Variants in ZDHHC2 observed in about 807,000 individuals in gnomAD.
The protein encoded by ZDHHC2 is palmitoyltransferase ZDHHC2.
ZDHHC2 carries 51 observed loss-of-function variants against 55.6 expected under a neutral mutation model. That is an observed-to-expected ratio of 0.92 (90% CI 0.73 to 1.16). The LOEUF is 1.16. Ranked by LOEUF, ZDHHC2 falls within the 50% of genes most tolerant of loss-of-function variation. ZDHHC2 has a pLI of 0.00. For synonymous variants in ZDHHC2, 199 were observed against 152.9 expected (o/e 1.30, Z -2.22); for missense variants, 491 against 442.4 (o/e 1.11, Z -0.99).
chr8:17,194,157 C>T (rs1338423631), intron 3 of ZDHHC2, among the ~76,000 whole-genome samples: 1 of 152,110 alleles, frequency 6.6e-6, no homozygotes, highest in Non-Finnish European at 1.5e-5. Context: ...GTTCTTTATC[C>T]AGTCTATCAT....
At chr8:17,174,764 G>T (rs1229363969) in intron 1 of ZDHHC2, among the ~76,000 whole-genome samples, 1 of 136,498 alleles carries the variant, frequency 7.3e-6, no homozygotes, top group Non-Finnish European at 1.5e-5. Context: ...AGGCTGGAGT[G>T]CAGTGGCACT....
intron 3 of ZDHHC2, 103 bp from the exon 4 acceptor site, chr8:17,195,401 A>G (rs1326921308): frequency 3.1e-6 from 4 of 1,308,424 alleles, no homozygotes; most frequent in Non-Finnish European, 4.2e-6. Flanking sequence ...TGTACAATAT[A>G]CCATTAATAT....
intron 6 of ZDHHC2, among the ~76,000 whole-genome samples, chr8:17,199,976 C>T (rs1413248004): frequency 6.6e-6 from 1 of 151,986 alleles, no homozygotes; most frequent in Non-Finnish European, 1.5e-5. Flanking sequence ...AGGCTGGTCT[C>T]GAACTCTTGA....
chr8:17,162,710 C>G (rs1804408785), intron 1 of ZDHHC2: 2 of 152,156 alleles, frequency 1.3e-5, no homozygotes, highest in Admixed American at 1.3e-4. Context: ...CCAAAGCTTT[C>G]TAGCTGGCTT....
intron 11 of ZDHHC2, among the ~76,000 whole-genome samples, chr8:17,216,637 T>G (rs896641116): frequency 3.9e-5 from 6 of 152,208 alleles, no homozygotes; most frequent in Non-Finnish European, 5.9e-5. Flanking sequence ...GGGATTCACA[T>G]TTCATCTTAC....
intron 6 of ZDHHC2, among the ~76,000 whole-genome samples, chr8:17,199,057 GC>G (rs1806474588): frequency 1.3e-5 from 2 of 152,114 alleles, no homozygotes; most frequent in Non-Finnish European, 1.5e-5. Context: ...CAGGTTGCTG[GC>G]CAGGTTGGAT....
chr8:17,199,526 C>CTGTCTTCGTCTTCT (rs777872313), intron 6 of ZDHHC2, among the ~76,000 whole-genome samples: 5 of 35,292 alleles, frequency 1.4e-4, no homozygotes, highest in South Asian at 2.6e-3. Flanking sequence ...TCTTCGTCTT[C>CTGTCTTCGTCTTCT]GTCTTCTGTC....
chr8:17,212,795 C>T (rs1307966168), intron 10 of ZDHHC2, among the ~76,000 whole-genome samples: 2 of 151,978 alleles, frequency 1.3e-5, no homozygotes, highest in Non-Finnish European at 2.9e-5. Context: ...CCCAGACAGT[C>T]ATTCTTTTTT....
chr8:17,219,252 TAAAAAAAAA>T (rs71212684), intron 12 of ZDHHC2, among the ~76,000 whole-genome samples: 3 of 49,550 alleles, frequency 6.1e-5, no homozygotes, highest in African/African-American at 1.7e-4. Flanking sequence ...AGCAAGACTC[TAAAAAAAAA>T]AAAAAAAAAA....
intron 6 of ZDHHC2, among the ~76,000 whole-genome samples, chr8:17,204,219 A>T (rs1453546669): frequency 6.6e-6 from 1 of 152,224 alleles, no homozygotes; most frequent in Non-Finnish European, 1.5e-5. Context: ...GATGATGTAA[A>T]CATTTTTTTC....
At chr8:17,180,725 TA>T (rs1805390914) in intron 1 of ZDHHC2, among the ~76,000 whole-genome samples, 1 of 152,242 alleles carries the variant, frequency 6.6e-6, no homozygotes, top group Admixed American at 6.5e-5. Flanking sequence ...ATAGCTTATG[TA>T]AGCCAGCAAG....
chr8:17,210,862 TTAGAG>T (rs1192513102), intron 10 of ZDHHC2, among the ~76,000 whole-genome samples: 2 of 152,130 alleles, frequency 1.3e-5, no homozygotes, highest in African/African-American at 2.4e-5. Flanking sequence ...GTGATAACTG[TTAGAG>T]TAAAGAAACT....
rs1176505658 is a variant in ZDHHC2 at position 17,222,412 on chromosome 8, T to C, written c.*2191T>C. The C allele has an allele frequency of 1.4e-4, 22 of 151,834 alleles. No individual in the cohort carries two copies. The highest frequency in any genetic ancestry group is 1.4e-3 in the Admixed American group (22 of 15,230). The allele number at this position is 151,834 out of a possible 1,614,324, so 9.4% of individuals were successfully genotyped here. On this transcript the variant is annotated 3_prime_UTR_variant, in exon 13 of 13. Coordinates refer to ENST00000262096, the MANE Select transcript of ZDHHC2 (RefSeq NM_016353.5). ...TATTTATATAAAATTTACCTTTAAG[T>C]ATTTACTTTAAAAAATTTAATGGCT...
Position 17,184,758 on chromosome 8 carries a change from T to C in ZDHHC2, c.131-31T>C, listed in dbSNP as rs1471342896. On this transcript the variant is annotated intron_variant, in intron 1 of 12. Transcript: ENST00000262096. ...CAAGCCCCGTTTGCCATAAGCTTCA[T>C]GTAACCTATTACCTTTTTTTCTCTT... 1.9e-6 allele frequency: 3 copies of C among 1,542,738 alleles called. No homozygotes were observed. In the East Asian group the frequency reaches 7.3e-5, roughly 38 times the overall value.
At chr8:17,219,981 A>G (rs1319058056) in intron 12 of ZDHHC2, among the ~76,000 whole-genome samples, 2 of 152,174 alleles carry the variant, frequency 1.3e-5, no homozygotes, top group Admixed American at 6.5e-5. Flanking sequence ...GAAGATTAAT[A>G]GAAATGCAGA....
At chr8:17,219,597 A>G (rs892093710) in intron 12 of ZDHHC2, among the ~76,000 whole-genome samples, 1 of 152,042 alleles carries the variant, frequency 6.6e-6, no homozygotes, top group Non-Finnish European at 1.5e-5. Flanking sequence ...TCTCTACCAA[A>G]AATACAAAAA....
chr8:17,218,557 G>C (rs1447710368), intron 12 of ZDHHC2, among the ~76,000 whole-genome samples: 1 of 152,018 alleles, frequency 6.6e-6, no homozygotes, highest in East Asian at 1.9e-4. Flanking sequence ...CAGTATTGTG[G>C]TTATTTATCT....
chr8:17,195,533 GT>G lies in ZDHHC2; in HGVS notation c.284del (p.Leu95TrpfsTer41), dbSNP rs1563158115. ...FHLSYAEKDL[L>X]EREPRGEAHQ... ...ATCTCTCTTATGCAGAGAAAGATTT[GT>G]TGGAGAGAGAGCCAAGAGGAGAAGC... is the stretch of plus-strand genomic sequence containing the variant. On this transcript the variant is annotated frameshift_variant, in exon 4 of 13. Transcript: ENST00000262096. LOFTEE classifies it high-confidence loss of function. 1 of 1,613,778 alleles carries G rather than the reference GT, an allele frequency of 6.2e-7. No individual in the cohort carries two copies. The highest frequency in any genetic ancestry group is 8.5e-7 in the Non-Finnish European group (1 of 1,179,766).
chr8:17,159,220 A>T (rs1057371434), intron 1 of ZDHHC2, among the ~76,000 whole-genome samples: 1 of 152,174 alleles, frequency 6.6e-6, no homozygotes, highest in Non-Finnish European at 1.5e-5. Context: ...CCCTACCCCC[A>T]GTATTAATCA....
Sources: gnomAD v4.1 joint callset for allele counts (sites outside exome capture counted in the v4.1 genomes callset) on GRCh38, gnomAD v4.1.1 for gene constraint, MANE v1.5 for transcripts, NCBI Gene and HGNC (gene_info 2026-07-23, HGNC 2026-07-21) for gene names.